The following CCDC25 variants were observed in gnomAD, a reference collection of about 807,000 sequenced individuals.
CCDC25 encodes coiled-coil domain containing 25.
CCDC25 carries 16 observed loss-of-function variants against 35.3 expected under a neutral mutation model. The observed-to-expected ratio is 0.45, with a 90% CI of 0.31 to 0.69. The LOEUF (loss-of-function observed/expected upper bound fraction) is 0.69. CCDC25 is among the 30% of genes least tolerant of loss of function. The pLI, the probability that CCDC25 is intolerant of heterozygous loss-of-function variation, is 0.06. For missense variants in CCDC25, 179 were observed against 250.7 expected (o/e 0.71, Z 1.93); for synonymous variants, 79 against 80.3 (o/e 0.98, Z 0.09).
rs1232840298 is a variant in CCDC25 at position 27,734,964 on chromosome 8, T to A, written c.*1252A>T. On this transcript the variant is annotated 3_prime_UTR_variant, in exon 9 of 9. Transcript: ENST00000356537. ...CTGAGCCTATGATGAATGAGGTTTT[T>A]TAGAGCAAGATCACCCTCAAAACCA... 1 of 152,176 alleles carries A rather than the reference T, an allele frequency of 6.6e-6. No homozygotes were observed. Among genetic ancestry groups the A allele is most frequent in the African/African-American group, 2.4e-5 (1 of 41,424 alleles). 9.4% of individuals were successfully genotyped at this position (152,176 alleles called of 1,614,324 possible). A position where few individuals can be genotyped will look rare whatever the true frequency, so the allele number is the denominator to read the frequency against.
At chr8:27,752,384 G>C in intron 5 of CCDC25, 128 bp downstream of exon 5, 1 of 678,944 alleles carries the variant, frequency 1.5e-6, no homozygotes, top group Non-Finnish European at 2.5e-6. Flanking sequence ...AACAAAACAT[G>C]GCAAAGGCAC....
chr8:27,754,412 T>C (rs548137518), intron 4 of CCDC25: 1 of 152,370 alleles, frequency 6.6e-6, no homozygotes, highest in South Asian at 2.1e-4. Context: ...TTAACTGTAT[T>C]ACAAACATAG....
At chr8:27,763,194 T>C (rs984121746) in intron 2 of CCDC25, among the ~76,000 whole-genome samples, 12 of 152,240 alleles carry the variant, frequency 7.9e-5, no homozygotes, top group African/African-American at 2.7e-4. Flanking sequence ...TGTTTCTAAT[T>C]ATAAATGGTT....
chr8:27,768,345 ACTT>A (rs1804472162), intron 1 of CCDC25, among the ~76,000 whole-genome samples: 1 of 152,198 alleles, frequency 6.6e-6, no homozygotes, highest in East Asian at 1.9e-4. Flanking sequence ...CGGGAGGATC[ACTT>A]GAGGCCAGGA....
At chr8:27,744,459 C>T (rs544380554) in intron 7 of CCDC25, among the ~76,000 whole-genome samples, 2 of 152,254 alleles carry the variant, frequency 1.3e-5, no homozygotes, top group South Asian at 2.1e-4. Context: ...AAGGCAGTGG[C>T]AGTGTGTATA....
rs370725443 is a variant in CCDC25 at position 27,756,669 on chromosome 8, T to C, written c.168+50A>G. 5 of 1,205,436 alleles carry C rather than the reference T, an allele frequency of 4.1e-6. No individual in the cohort carries two copies. The African/African-American group carries it at 7.5e-5, about 18-fold the overall frequency. The allele number at this position is 1,205,436 out of a possible 1,614,324, so 74.7% of individuals were successfully genotyped here. On this transcript the variant is annotated intron_variant, in intron 4 of 8. Transcript: ENST00000356537. ...ATTGCAAAGGATAAAGAACAAGATATGATGCATCATCAGGAGAAAAGTCAA... is the reference window on the plus strand; with the variant it reads ...ATTGCAAAGGATAAAGAACAAGATACGATGCATCATCAGGAGAAAAGTCAA...
chr8:27,746,039 ATT>A (rs1360084826), intron 7 of CCDC25, among the ~76,000 whole-genome samples: 2 of 152,208 alleles, frequency 1.3e-5, no homozygotes, highest in African/African-American at 4.8e-5. Flanking sequence ...TGGTGGACAA[ATT>A]TTGTTTAAAT....
At chr8:27,756,858 A>G in intron 3 of CCDC25, 88 bp from the exon 4 acceptor site, 1 of 919,890 alleles carries the variant, frequency 1.1e-6, no homozygotes, top group Non-Finnish European at 1.8e-6. Flanking sequence ...CTGTTCTAAA[A>G]AGTCTTCACT....
chr8:27,738,448 C>CAGGAACAGGGGTTGCA (rs1221544109), intron 8 of CCDC25, among the ~76,000 whole-genome samples: 10 of 152,076 alleles, frequency 6.6e-5, no homozygotes, highest in African/African-American at 1.9e-4. Context: ...ACTTGGAGCT[C>CAGGAACAGGGGTTGCA]AGGAACAGGG....
chr8:27,766,221 T>A (rs1804395075), intron 1 of CCDC25, among the ~76,000 whole-genome samples: 1 of 152,236 alleles, frequency 6.6e-6, no homozygotes, highest in African/African-American at 2.4e-5. Flanking sequence ...TGAAGCAAAG[T>A]ACTGATAAGT....
At chr8:27,754,873 T>C (rs1803943879) in intron 4 of CCDC25, among the ~76,000 whole-genome samples, 1 of 152,110 alleles carries the variant, frequency 6.6e-6, no homozygotes, top group African/African-American at 2.4e-5. Context: ...TAGCTTAATA[T>C]AAATACAGAT....
At chr8:27,758,672 T>C (rs1181729518) in intron 3 of CCDC25, among the ~76,000 whole-genome samples, 2 of 152,226 alleles carry the variant, frequency 1.3e-5, no homozygotes, top group Admixed American at 6.5e-5. Flanking sequence ...AAAGTAACTT[T>C]ACCCATTCCA....
At position 27,765,141 on chromosome 8, in the gene CCDC25, G is replaced by A. The variant is rs1490077584; in HGVS notation, c.76+63C>T. On this transcript the variant is annotated intron_variant, in intron 2 of 8. Transcript: ENST00000356537. ...AAACTGGGTGGGGGGCATGGAAGGT[G>A]GTGAGTGAGAGATAACACTTACCTG... 6 of 1,423,430 alleles carry A rather than the reference G, an allele frequency of 4.2e-6. No individual in the cohort carries two copies. In the African/African-American group the frequency reaches 7.2e-5, roughly 17 times the overall value. The allele number at this position is 1,423,430 out of a possible 1,614,324, so 88.2% of individuals were successfully genotyped here. A position where few individuals can be genotyped will look rare whatever the true frequency, so the allele number is the denominator to read the frequency against.
intron 5 of CCDC25, among the ~76,000 whole-genome samples, chr8:27,752,299 C>T (rs1437891755): frequency 2.0e-5 from 3 of 152,148 alleles, no homozygotes; most frequent in African/African-American, 7.2e-5. Flanking sequence ...TTAGACAGGA[C>T]GGTCAAAATG....
intron 3 of CCDC25, among the ~76,000 whole-genome samples, chr8:27,757,128 G>A (rs1804036556): frequency 2.6e-5 from 4 of 152,192 alleles, no homozygotes; most frequent in Admixed American, 2.0e-4. Context: ...TGAAGCATAG[G>A]ACTTAGAGCA....
At chr8:27,747,981 C>T (rs1169850001) in intron 7 of CCDC25, 96 bp downstream of exon 7, 4 of 1,220,622 alleles carry the variant, frequency 3.3e-6, no homozygotes, top group Non-Finnish European at 3.5e-6. Flanking sequence ...CATGTCCCTC[C>T]TTCCACCAAT....
intron 2 of CCDC25, 40 bp from the exon 3 acceptor site, chr8:27,762,498 C>CA: frequency 1.3e-6 from 2 of 1,589,406 alleles, no homozygotes; most frequent in African/African-American, 1.3e-5. Flanking sequence ...CAAAAACTGT[C>CA]AAATGAAGAT....
intron 5 of CCDC25, among the ~76,000 whole-genome samples, chr8:27,748,872 T>C (rs1282041812): frequency 1.3e-5 from 2 of 151,972 alleles, no homozygotes; most frequent in Non-Finnish European, 2.9e-5. Flanking sequence ...GGATGCAAAA[T>C]TTATCATTGA....
intron 5 of CCDC25, 31 bp downstream of exon 5, chr8:27,752,481 T>C (rs1431645118): frequency 6.4e-7 from 1 of 1,558,562 alleles, no homozygotes; most frequent in African/African-American, 1.4e-5. Flanking sequence ...AAGTCCGTGC[T>C]AATTCTAAAA....
Sources: gnomAD v4.1 joint callset for allele counts (sites outside exome capture counted in the v4.1 genomes callset) on GRCh38, gnomAD v4.1.1 for gene constraint, MANE v1.5 for transcripts, NCBI Gene and HGNC (gene_info 2026-07-23, HGNC 2026-07-21) for gene names.